Variants in PGM1 observed in about 807,000 individuals in gnomAD.
The protein encoded by PGM1 is phosphoglucomutase-1.
PGM1 carries 52 observed loss-of-function variants against 55.6 expected under a neutral mutation model. The observed-to-expected ratio is 0.94, with a 90% confidence interval of 0.75 to 1.18. The LOEUF (loss-of-function observed/expected upper bound fraction) is 1.18. PGM1 is among the 50% of genes most tolerant of loss of function. The pLI is 0.00. For missense variants in PGM1, 724 were observed against 729.3 expected (o/e 0.99, Z 0.08); for synonymous variants, 287 against 271.7 (o/e 1.06, Z -0.55).
At chr1:63,622,859 A>T (rs1456916081) in intron 1 of PGM1, among the ~76,000 whole-genome samples, 1 of 152,232 alleles carries the variant, frequency 6.6e-6, no homozygotes, top group African/African-American at 2.4e-5. Flanking sequence ...AACCAGGGGT[A>T]AATTAAGCTC....
rs1261664375 is a variant in PGM1, at chr1:63,660,080, A to G, written c.*405A>G. The G allele has an allele frequency of 7.4e-6, 2 of 269,826 alleles. No individual in the cohort carries two copies. The highest frequency in any genetic ancestry group is 1.3e-3 in the Middle Eastern group (1 of 792). 16.7% of individuals were successfully genotyped at this position (269,826 alleles called of 1,614,324 possible). Reference sequence around the variant, plus strand: ...TTCTCTTTTGTGAATCTTTCCCCCCATTTCCTGTTTACATGTAACCCAACA... The same window carrying G: ...TTCTCTTTTGTGAATCTTTCCCCCCGTTTCCTGTTTACATGTAACCCAACA... On this transcript the variant is annotated 3_prime_UTR_variant, in exon 11 of 11. Coordinates refer to ENST00000371084, the MANE Select transcript of PGM1 (RefSeq NM_002633.3).
At chr1:63,643,591 A>G (rs1336914747) in intron 7 of PGM1, among the ~76,000 whole-genome samples, 1 of 152,124 alleles carries the variant, frequency 6.6e-6, no homozygotes, top group African/African-American at 2.4e-5. Flanking sequence ...TTCCTTTCCA[A>G]GTGAAGTTGT....
At chr1:63,645,879 T>C (rs1321580452) in intron 7 of PGM1, among the ~76,000 whole-genome samples, 2 of 152,224 alleles carry the variant, frequency 1.3e-5, no homozygotes, top group African/African-American at 4.8e-5. Context: ...GCTATGCTAG[T>C]CACCAGACTT....
chr1:63,593,974 G>C, intron 1 of PGM1: 1 of 1,180,726 alleles, frequency 8.5e-7, no homozygotes, highest in Non-Finnish European at 1.0e-6. Context: ...CCGGGGCGCC[G>C]GGAGGTGCGG....
intron 1 of PGM1, among the ~76,000 whole-genome samples, chr1:63,609,951 A>T (rs570725528): frequency 2.2e-4 from 34 of 152,342 alleles, no homozygotes; most frequent in African/African-American, 7.7e-4. Flanking sequence ...TGGGTTCCAA[A>T]TGGAAGTCAG....
intron 4 of PGM1, 69 bp from the exon 5 acceptor site, chr1:63,634,759 CT>C: frequency 1.5e-6 from 2 of 1,349,896 alleles, no homozygotes; most frequent in Non-Finnish European, 1.1e-6. Context: ...CACCTCACCC[CT>C]GAATCCTCAC....
chr1:63,640,066 G>A (rs1570505219), intron 7 of PGM1, among the ~76,000 whole-genome samples: 4 of 152,152 alleles, frequency 2.6e-5, no homozygotes, highest in African/African-American at 9.7e-5. Flanking sequence ...TTCATATAAT[G>A]GGCATGGTGC....
intron 8 of PGM1, among the ~76,000 whole-genome samples, chr1:63,649,525 G>C (rs1301046425): frequency 1.3e-5 from 2 of 152,152 alleles, no homozygotes; most frequent in Non-Finnish European, 2.9e-5. Flanking sequence ...GAAATGAATA[G>C]GTGTAATTTC....
At chr1:63,638,362 A>G (rs766093017) in intron 6 of PGM1, among the ~76,000 whole-genome samples, 18 of 152,244 alleles carry the variant, frequency 1.2e-4, no homozygotes, top group South Asian at 2.1e-4. Context: ...TAGATTGATT[A>G]TAGATGCAGT....
chr1:63,647,846 AT>A (rs1350170089), intron 7 of PGM1, among the ~76,000 whole-genome samples: 22 of 152,268 alleles, frequency 1.4e-4, no homozygotes, highest in African/African-American at 5.1e-4. Context: ...CTGTTTGTTC[AT>A]TTAAGATCTA....
chr1:63,624,708 A>G (rs1648976012), intron 1 of PGM1, among the ~76,000 whole-genome samples: 1 of 152,232 alleles, frequency 6.6e-6, no homozygotes, highest in Non-Finnish European at 1.5e-5. Context: ...GATTCTTGGT[A>G]GATAAAATGT....
Position 63,593,660 on chromosome 1 carries a change from G to A in PGM1, c.172G>A (p.Val58Met). 1 of 1,609,330 alleles carries A rather than the reference G, an allele frequency of 6.2e-7. No homozygotes were observed. Among genetic ancestry groups the A allele is most frequent in the Non-Finnish European group, 8.5e-7 (1 of 1,178,314 alleles). Residue 58 changes from valine (V) to methionine (M), a missense_variant, in exon 1 of 11, where the codon GTG becomes ATG. Coordinates refer to ENST00000371084, the MANE Select transcript of PGM1 (RefSeq NM_002633.3). ...GGCGCAGCGGCAGGAGGCCACGCTG[G>A]TGGTGGGCGGGGACGGCCGGTTCTA... ...EPAQRQEATLVVGGDGRFYMK... is the reference protein window; with the variant it reads ...EPAQRQEATLMVGGDGRFYMK...
At chr1:63,629,358 GT>G in intron 1 of PGM1, 66 bp from the exon 2 acceptor site, 2 of 1,339,886 alleles carry the variant, frequency 1.5e-6, no homozygotes, top group Non-Finnish European at 1.1e-6. Context: ...TTGTCTTGGT[GT>G]TGTTTCTGAG....
At chr1:63,649,603 A>C (rs1649752164) in intron 8 of PGM1, among the ~76,000 whole-genome samples, 1 of 152,254 alleles carries the variant, frequency 6.6e-6, no homozygotes, top group Non-Finnish European at 1.5e-5. Context: ...AATATATCCC[A>C]GATTTTATAG....
At chr1:63,617,619 C>A (rs980641442) in intron 1 of PGM1, among the ~76,000 whole-genome samples, 1 of 149,282 alleles carries the variant, frequency 6.7e-6, no homozygotes, top group Non-Finnish European at 1.5e-5. Context: ...GGCTGAGGCA[C>A]GAGAACTCAG....
Position 63,634,940 on chromosome 1 carries a change from A to C in PGM1, c.794A>C (p.Asn265Thr), listed in dbSNP as rs745337103. ...TTTGGAGGCCACCACCCTGACCCCA[A>C]CCTCACCTATGCAGCTGACCTGGTG... ...EDFGGHHPDP[N>T]LTYAADLVET... is the part of the protein sequence containing the mutation. Residue 265 changes from asparagine (N) to threonine (T), a missense_variant, in exon 5 of 11, where the codon AAC (asparagine) becomes ACC (threonine). Asn to Thr is a moderately conservative substitution (Grantham distance 65, BLOSUM62 0). This residue lies in a region of PGM1 where 379 missense variants were observed against 357.5 expected (regional missense o/e 1.06). Transcript: ENST00000371084. 1.2e-6 allele frequency: 2 copies of C among 1,613,912 alleles called. No individual in the cohort carries two copies. Among genetic ancestry groups the C allele is most frequent in the South Asian group, 2.2e-5 (2 of 91,068 alleles).
chr1:63,652,117 T>C (rs1056784126), intron 9 of PGM1, among the ~76,000 whole-genome samples: 1 of 152,124 alleles, frequency 6.6e-6, no homozygotes, highest in Non-Finnish European at 1.5e-5. Context: ...ATTTTTGCAC[T>C]CTCTGGAATG....
At position 63,636,269 on chromosome 1, in the gene PGM1, T is replaced by C; in HGVS notation, c.909T>C (p.Phe303=). The change falls in exon 6 of 11, where the codon TTT becomes TTC. Residue 303 remains phenylalanine, a synonymous_variant. Coordinates refer to ENST00000371084, the MANE Select transcript of PGM1 (RefSeq NM_002633.3). ...TGATTCTGGGCAAGCATGGGTTCTT[T>C]GTGAACCCTTCAGACTCTGTGGCTG... ...RNMILGKHGF[F]VNPSDSVAVI... The C allele has an allele frequency of 6.2e-7, 1 of 1,613,960 alleles. No homozygotes were observed. Among genetic ancestry groups the C allele is most frequent in the South Asian group, 1.1e-5 (1 of 91,076 alleles).
At position 63,659,841 on chromosome 1, in the gene PGM1, G is replaced by T. The variant is rs1650071318; in HGVS notation, c.*166G>T. 8.9e-6 allele frequency: 6 copies of T among 674,348 alleles called. No individual in the cohort carries two copies. Among genetic ancestry groups the T allele is most frequent in the Non-Finnish European group, 1.1e-5 (4 of 366,418 alleles). 41.8% of individuals were successfully genotyped at this position (674,348 alleles called of 1,614,324 possible). ...TTTACAAGGCACTGCCAAACAAGAT[G>T]CCCTTGGGAGCTGTGAGGGAAAGAG... On this transcript the variant is annotated 3_prime_UTR_variant, in exon 11 of 11. Transcript: ENST00000371084.
Sources: gnomAD v4.1 joint callset for allele counts (sites outside exome capture counted in the v4.1 genomes callset) on GRCh38, gnomAD v4.1.1 for gene constraint, gnomAD v4.1.1 regional missense constraint, MANE v1.5 for transcripts, NCBI Gene and HGNC (gene_info 2026-07-23, HGNC 2026-07-21) for gene names.